Variants in PCSK4 observed in about 807,000 individuals in gnomAD.
The protein encoded by PCSK4 is testicular tissue protein Li 135.
PCSK4 carries 64 observed loss-of-function variants against 80.3 expected under a neutral mutation model. That is an observed-to-expected ratio of 0.80 (90% confidence interval 0.65 to 0.98). PCSK4 has a LOEUF of 0.98. Among genes scored for constraint, PCSK4 ranks in the 50% least tolerant of loss-of-function variants. The probability of loss-of-function intolerance (pLI) is 0.00; values close to 1 mark genes in which losing one functional copy is unlikely to be tolerated. For synonymous variants in PCSK4, 561 were observed against 487.6 expected (o/e 1.15, Z -1.98); for missense variants, 1,213 against 1,093.6 (o/e 1.11, Z -1.54).
At chr19:1,490,681 T>C, upstream of PCSK4, 1 of 313,134 alleles carries the variant, frequency 3.2e-6, no homozygotes, top group South Asian at 9.6e-5. Flanking sequence ...ACACCCCTCC[T>C]TCGAGAATCA....
chr19:1,488,788 T>A (rs1161551111), intron 2 of PCSK4, among the ~76,000 whole-genome samples: 1 of 151,922 alleles, frequency 6.6e-6, no homozygotes, highest in Non-Finnish European at 1.5e-5. Flanking sequence ...GCCATGTTGA[T>A]CAGGCTGGTC....
At chr19:1,484,204 C>A in intron 8 of PCSK4, 77 bp from the exon 9 acceptor site, 1 of 851,990 alleles carries the variant, frequency 1.2e-6, no homozygotes, top group Non-Finnish European at 1.9e-6. Flanking sequence ...GTACCAAGGA[C>A]TGGGCGGGCG....
Position 1,487,871 on chromosome 19 carries a change from G to C in PCSK4, c.517-10C>G, listed in dbSNP as rs769539812. On this transcript the variant is annotated splice_polypyrimidine_tract_variant and intron_variant, in intron 4 of 14. Transcript: ENST00000300954. The stretch of plus-strand genomic sequence containing the variant: ...AGCTGGCCAGGGGGTCCTGGGGGCA[G>C]GTGGGGATATGAGGGGGCCGGGAGG... 1.3e-6 allele frequency: 2 copies of C among 1,549,956 alleles called. No homozygotes were observed.
intron 8 of PCSK4, among the ~76,000 whole-genome samples, chr19:1,486,547 C>T (rs1240407366): frequency 2.0e-5 from 3 of 148,350 alleles, no homozygotes; most frequent in African/African-American, 7.5e-5. Flanking sequence ...CCACCCGCCT[C>T]GGCCTCCCAA....
intron 8 of PCSK4, among the ~76,000 whole-genome samples, chr19:1,486,340 A>G (rs991973402): frequency 2.0e-5 from 3 of 150,842 alleles, no homozygotes; most frequent in African/African-American, 7.3e-5. Flanking sequence ...TCTGTCGCCC[A>G]GGCTGGAGTG....
rs770150746 is a variant in PCSK4 at position 1,482,888 on chromosome 19, GC to G, written c.1696+7del. 11 of 653,398 alleles carry G rather than the reference GC, an allele frequency of 1.7e-5. No individual in the cohort carries two copies. Among genetic ancestry groups the G allele is most frequent in the Non-Finnish European group, 3.0e-5 (11 of 371,390 alleles). 40.5% of individuals were successfully genotyped at this position (653,398 alleles called of 1,614,324 possible). ...GCCCCGCCCACCACAGCCCCGCCCC[GC>G]CCTCACCCGTGTTGAAATAGTAGCC... On this transcript the variant is annotated splice_region_variant and intron_variant, in intron 13 of 14. Coordinates refer to ENST00000300954, the Ensembl canonical transcript of PCSK4.
At chr19:1,483,071 T>G in intron 12 of PCSK4, 51 bp from the exon 13 acceptor site, 1 of 1,474,112 alleles carries the variant, frequency 6.8e-7, no homozygotes, top group Non-Finnish European at 9.1e-7. Context: ...GATGGCTTTG[T>G]GAAGCCGGCA....
chr19:1,490,374 C>A, exon 1 of PCSK4: 1 of 911,484 alleles, frequency 1.1e-6, no homozygotes, highest in Non-Finnish European at 1.6e-6. Flanking sequence ...GGGGCCTGCG[C>A]AAATCCCCTC....
At chr19:1,488,539 C>T (rs2084764244) in intron 2 of PCSK4, among the ~76,000 whole-genome samples, 1 of 151,916 alleles carries the variant, frequency 6.6e-6, no homozygotes, top group African/African-American at 2.4e-5. Context: ...TCTCCCCCAT[C>T]CCTGTTCTAG....
exon 7 of PCSK4, chr19:1,487,312 G>T: frequency 6.3e-7 from 1 of 1,585,118 alleles, no homozygotes; most frequent in Non-Finnish European, 8.5e-7. Context: ...GCATCCGTAC[G>T]CCTGCAGAGC....
At chr19:1,482,069 T>A in exon 15 of PCSK4, 4 of 1,554,650 alleles carry the variant, frequency 2.6e-6, no homozygotes, top group Non-Finnish European at 3.5e-6. Flanking sequence ...GCAGGAGGCA[T>A]GGCAGCTGGA....
chr19:1,482,255 C>T (rs1485799848), intron 14 of PCSK4, 48 bp from the exon 15 acceptor site: 1 of 1,525,258 alleles, frequency 6.6e-7, no homozygotes, highest in South Asian at 1.2e-5. Context: ...CCACCCGCAG[C>T]CTGTTACTCG....
chr19:1,487,805 G>A (rs371896559), exon 5 of PCSK4: 92 of 1,578,942 alleles, frequency 5.8e-5, no homozygotes, highest in Non-Finnish European at 7.8e-5. Context: ...TGCTGGGGGT[G>A]TAGCGGGGCT....
chr19:1,488,412 C>T, intron 2 of PCSK4, 132 bp from the exon 3 acceptor site: 2 of 666,248 alleles, frequency 3.0e-6, no homozygotes, highest in Non-Finnish European at 2.6e-6. Flanking sequence ...CCCCATGTGC[C>T]TGGGGCTCTG....
chr19:1,482,933 G>A (rs202058018), exon 13 of PCSK4: 1 of 1,613,426 alleles, frequency 6.2e-7, no homozygotes, highest in East Asian at 2.2e-5. Flanking sequence ...CTAGGCCCAG[G>A]GTCCACACGC....
chr19:1,483,088 C>A, intron 12 of PCSK4, 68 bp from the exon 13 acceptor site: 1 of 1,425,816 alleles, frequency 7.0e-7, no homozygotes, highest in East Asian at 2.4e-5. Context: ...GGCAGAGCCC[C>A]ATGAAGTGTC....
chr19:1,488,874 C>G (rs1192852234), intron 2 of PCSK4, among the ~76,000 whole-genome samples: 1 of 152,214 alleles, frequency 6.6e-6, no homozygotes, highest in Non-Finnish European at 1.5e-5. Flanking sequence ...AACCACCACG[C>G]CAGGCCTGGC....
chr19:1,486,060 T>G (rs1331871204), intron 8 of PCSK4, among the ~76,000 whole-genome samples: 3 of 151,660 alleles, frequency 2.0e-5, no homozygotes, highest in Non-Finnish European at 4.4e-5. Flanking sequence ...GCAACCTCCA[T>G]CTCTGGGGTT....
rs769588256 is a variant in PCSK4, at chr19:1,484,013, C to T, written c.1169+14G>A. The T allele has an allele frequency of 3.3e-6, 5 of 1,528,592 alleles. No individual in the cohort carries two copies. In the South Asian group the frequency reaches 4.8e-5, roughly 15 times the overall value. 94.7% of individuals were successfully genotyped at this position (1,528,592 alleles called of 1,614,324 possible). ...GGGGGCGAGGGCGGTGGACCGGGCC[C>T]CGCAGTCACCTACTTGGCCTCCAGC... is the stretch of plus-strand genomic sequence containing the variant. On this transcript the variant is annotated intron_variant, in intron 9 of 14. Transcript: ENST00000300954.
Sources: allele counts gnomAD v4.1 joint callset (sites outside exome capture counted in the v4.1 genomes callset), GRCh38; gene constraint gnomAD v4.1.1; transcripts MANE v1.5; gene names NCBI Gene and HGNC (gene_info 2026-07-23, HGNC 2026-07-21).